Variants in MUC7 observed in about 807,000 individuals in gnomAD.
MUC7 encodes the protein mucin 7, secreted.
Under a neutral mutation model 2.5 loss-of-function variants are expected in MUC7, and 2 were observed. The observed-to-expected ratio is 0.81, with a 90% confidence interval of 0.33 to 2.55. The LOEUF (loss-of-function observed/expected upper bound fraction) is 2.55. Ranked by LOEUF, MUC7 falls within the 30% of genes most tolerant of loss-of-function variation. The pLI is 0.11. For synonymous variants in MUC7, 133 were observed against 173.4 expected, an observed-to-expected ratio of 0.77 and a Z score of 1.83; for missense variants, 408 against 455.6, an observed-to-expected ratio of 0.90 and a Z score of 0.95.
At chr4:70,477,238 C>G (rs891364947) in intron 2 of MUC7, among the ~76,000 whole-genome samples, 2 of 151,970 alleles carry the variant, frequency 1.3e-5, no homozygotes, top group Non-Finnish European at 2.9e-5. Context: ...GGTGAAACCC[C>G]CATCTCTACT....
intron 1 of MUC7, among the ~76,000 whole-genome samples, chr4:70,448,637 G>A (rs1214182675): frequency 6.6e-6 from 1 of 152,042 alleles, no homozygotes; most frequent in African/African-American, 2.4e-5. Context: ...TTTTCCTACA[G>A]AGTTGTTTGA....
upstream of MUC7, among the ~76,000 whole-genome samples, chr4:70,468,442 T>G (rs374081524): frequency 6.6e-6 from 1 of 152,186 alleles, no homozygotes. Flanking sequence ...ATAAAGGGTA[T>G]TCAAATAGGA....
intron 1 of MUC7, among the ~76,000 whole-genome samples, chr4:70,456,092 T>A (rs886653012): frequency 6.6e-6 from 1 of 152,186 alleles, no homozygotes; most frequent in Non-Finnish European, 1.5e-5. Context: ...ATTTTCCTCA[T>A]CTTCCTGTCT....
chr4:70,431,454 G>A (rs1047109432), intron 1 of MUC7, among the ~76,000 whole-genome samples: 2 of 151,864 alleles, frequency 1.3e-5, no homozygotes, highest in African/African-American at 2.4e-5. Context: ...GAATTTAAGA[G>A]CATATGATTT....
chr4:70,439,606 T>G (rs970188312), intron 1 of MUC7, among the ~76,000 whole-genome samples: 2 of 152,052 alleles, frequency 1.3e-5, no homozygotes, highest in Non-Finnish European at 2.9e-5. Context: ...AATATAATAT[T>G]TATCTTAAAG....
intron 1 of MUC7, among the ~76,000 whole-genome samples, chr4:70,439,616 G>T (rs1553918009): frequency 6.6e-6 from 1 of 151,884 alleles, no homozygotes; most frequent in Non-Finnish European, 1.5e-5. Flanking sequence ...TTATCTTAAA[G>T]TGTTATGTTA....
At chr4:70,440,874 C>A (rs1733986328) in intron 1 of MUC7, among the ~76,000 whole-genome samples, 1 of 151,976 alleles carries the variant, frequency 6.6e-6, no homozygotes, top group Non-Finnish European at 1.5e-5. Flanking sequence ...AGACATGCTC[C>A]CTCAAAATAC....
chr4:70,473,942 A>G, intron 1 of MUC7, 65 bp from the exon 2 acceptor site: 1 of 1,163,410 alleles, frequency 8.6e-7, no homozygotes, highest in Non-Finnish European at 1.3e-6. Flanking sequence ...TAAGTTATTT[A>G]CCAAAACGCA....
chr4:70,441,510 T>C (rs72852802), intron 1 of MUC7, among the ~76,000 whole-genome samples: 8,871 of 152,194 alleles, frequency 0.058, 849 homozygotes, highest in African/African-American at 0.2. Context: ...AGCATCTATA[T>C]ATGGAGGGAG....
At chr4:70,432,642 C>T (rs1161491700) in intron 1 of MUC7, among the ~76,000 whole-genome samples, 2 of 151,372 alleles carry the variant, frequency 1.3e-5, no homozygotes, top group East Asian at 1.9e-4. Flanking sequence ...TGATATTAGC[C>T]CTTTAGTAGA....
chr4:70,470,752 T>C (rs148834497), upstream of MUC7, among the ~76,000 whole-genome samples: 21 of 152,344 alleles, frequency 1.4e-4, no homozygotes, highest in East Asian at 3.9e-3. Flanking sequence ...TGTAAATGCA[T>C]ATCACTAGTT....
At chr4:70,464,559 G>A (rs1017740090) in intron 1 of MUC7, among the ~76,000 whole-genome samples, 5 of 152,064 alleles carry the variant, frequency 3.3e-5, no homozygotes, top group South Asian at 2.1e-4. Context: ...AAGCGTGGTC[G>A]GGGGAGGGGA....
Position 70,482,046 on chromosome 4 carries a change from C to T in MUC7, c.*168C>T. The stretch of plus-strand genomic sequence containing the variant: ...TATTCACCACCACAAGACCTATTAA[C>T]AAGACAAAATGCCTCTATCCCACAA... On this transcript the variant is annotated 3_prime_UTR_variant, in exon 3 of 3. Coordinates refer to ENST00000304887, the MANE Select transcript of MUC7 (RefSeq NM_152291.3). The T allele has an allele frequency of 1.1e-6, 1 of 877,396 alleles. No individual in the cohort carries two copies. Among genetic ancestry groups the T allele is most frequent in the Non-Finnish European group, 1.7e-6 (1 of 593,502 alleles). 54.4% of individuals were successfully genotyped at this position (877,396 alleles called of 1,614,324 possible). A position where few individuals can be genotyped will look rare whatever the true frequency, so the allele number is the denominator to read the frequency against.
intron 1 of MUC7, among the ~76,000 whole-genome samples, chr4:70,452,827 T>C (rs973025958): frequency 2.0e-5 from 3 of 152,244 alleles, no homozygotes; most frequent in African/African-American, 7.2e-5. Flanking sequence ...TTAATGTCCT[T>C]TTCTTTCAGA....
At chr4:70,446,998 G>T (rs1373678878) in intron 1 of MUC7, among the ~76,000 whole-genome samples, 2 of 134,264 alleles carry the variant, frequency 1.5e-5, no homozygotes, top group Non-Finnish European at 3.1e-5. Flanking sequence ...AAGAAATGCA[G>T]ACAAGTGCAA....
In MUC7 at chr4:70,442,322, G is replaced by A. The variant is rs144522345; in HGVS notation, c.-93+11635G>A. Among the ~76,000 whole-genome samples the A allele has an allele frequency of 3.1e-3, 466 of 152,284 alleles. 7 individuals are homozygous for A. Among genetic ancestry groups the A allele is most frequent in the African/African-American group, 0.011 (450 of 41,560 alleles). Reference sequence around the variant, plus strand: ...ACAGAAGCAAAAAAAAGTGCATTTAGGATTCTCAGACTCATGAATTCTTTG... The same window carrying A: ...ACAGAAGCAAAAAAAAGTGCATTTAAGATTCTCAGACTCATGAATTCTTTG... On this transcript the variant is annotated intron_variant, in intron 1 of 3. Coordinates refer to the MUC7 transcript ENST00000413702.
chr4:70,460,953 T>C (rs10021214), intron 1 of MUC7, among the ~76,000 whole-genome samples: 39,826 of 152,124 alleles, frequency 0.26, 5,572 homozygotes, highest in East Asian at 0.4. Context: ...TCCAGATCAC[T>C]GCGTATGCTA....
intron 1 of MUC7, among the ~76,000 whole-genome samples, chr4:70,435,187 A>C (rs141056607): frequency 0.095 from 14,465 of 152,168 alleles, 926 homozygotes; most frequent in African/African-American, 0.17. Flanking sequence ...TATTCTGTTG[A>C]CTTGGGGTGG....
intron 1 of MUC7, among the ~76,000 whole-genome samples, chr4:70,448,952 T>C (rs531490887): frequency 1.1e-3 from 173 of 152,308 alleles, no homozygotes; most frequent in African/African-American, 4.1e-3. Flanking sequence ...TTTTTGTATA[T>C]GTCCAGGAAT....
Sources: allele counts gnomAD v4.1 joint callset (sites outside exome capture counted in the v4.1 genomes callset), GRCh38; gene constraint gnomAD v4.1.1; transcripts MANE v1.5; gene names NCBI Gene and HGNC (gene_info 2026-07-23, HGNC 2026-07-21).